The following ATAD2 variants were observed in gnomAD, a reference collection of about 807,000 sequenced individuals.
ATAD2 encodes ATPase family AAA domain containing 2, also known as ATPase family AAA domain-containing protein 2.
A neutral mutation model predicts 168.9 loss-of-function variants in ATAD2; 62 were observed. That is an observed-to-expected ratio of 0.37 (90% CI 0.30 to 0.45). ATAD2 has a LOEUF of 0.45. Ranked by LOEUF, ATAD2 falls within the 20% of genes least tolerant of loss-of-function variation. The pLI is 1.00. For synonymous variants in ATAD2, 613 were observed against 571.6 expected (o/e 1.07, Z -1.03); for missense variants, 1,419 against 1,667.8 (o/e 0.85, Z 2.60).
upstream of ATAD2, chr8:123,401,293 C>T (rs1812995614): frequency 3.3e-6 from 4 of 1,201,962 alleles, no homozygotes; most frequent in Middle Eastern, 2.3e-4. Flanking sequence ...CAAGGATTCC[C>T]ATGAGCAGCT....
At chr8:123,365,460 T>A (rs1828946861) in intron 8 of ATAD2, among the ~76,000 whole-genome samples, 1 of 152,016 alleles carries the variant, frequency 6.6e-6, no homozygotes. Context: ...CAAAAAAGCC[T>A]GCATAGCCAA....
chr8:123,326,076 G>A (rs1250214999), intron 25 of ATAD2, 50 bp from the exon 26 acceptor site: 4 of 1,562,146 alleles, frequency 2.6e-6, no homozygotes, highest in African/African-American at 1.4e-5. Context: ...ATATTATGAT[G>A]TCTAAAATAA....
At position 123,415,178 on chromosome 8, in the gene ATAD2, T is replaced by C. The variant is rs537359929; in HGVS notation, c.-2282+1070A>G. 7.2e-5 allele frequency among the ~76,000 whole-genome samples: 11 copies of C among 152,322 alleles called. No homozygotes were observed. The South Asian group carries it at 2.3e-3, about 32-fold the overall frequency. On this transcript the variant is annotated intron_variant, in intron 1 of 28. Transcript: ENST00000521903. ...ATATATGATGCTTAGTTTCGCTGGA[T>C]ACAAAATTATTGGCTGATAATTGTT...
At chr8:123,358,194 ATTT>A in intron 11 of ATAD2, among the ~76,000 whole-genome samples, 1 of 152,280 alleles carries the variant, frequency 6.6e-6, no homozygotes, top group Admixed American at 6.5e-5. Context: ...TTTCTGACTT[ATTT>A]TTAAAGATGG....
chr8:123,371,044 A>C, intron 5 of ATAD2, 54 bp from the exon 6 acceptor site: 1 of 1,350,718 alleles, frequency 7.4e-7, no homozygotes, highest in Non-Finnish European at 1.0e-6. Context: ...TATTAAAAAA[A>C]TTAAGTTGGA....
chr8:123,393,513 AATAAATAAATGC>A (rs1812690069), intron 1 of ATAD2, among the ~76,000 whole-genome samples: 1 of 151,638 alleles, frequency 6.6e-6, no homozygotes, highest in Non-Finnish European at 1.5e-5. Flanking sequence ...CTGTCTCAAA[AATAAATAAATGC>A]ATAAATAAAG....
upstream of ATAD2, among the ~76,000 whole-genome samples, chr8:123,396,708 GCGGTGCGTAGCC>G (rs1372518233): frequency 6.6e-6 from 1 of 152,214 alleles, no homozygotes; most frequent in African/African-American, 2.4e-5. Context: ...GACGGTGGGA[GCGGTGCGTAGCC>G]CGTTTGGAAT....
intron 1 of ATAD2, among the ~76,000 whole-genome samples, chr8:123,414,092 CAAAAAAAAAA>C (rs57662854): frequency 4.9e-5 from 2 of 40,590 alleles, no homozygotes; most frequent in African/African-American, 1.1e-4. Context: ...ACTCTTATCT[CAAAAAAAAAA>C]AAAAAAAAAA....
At chr8:123,406,985 T>A (rs1409871744) in intron 1 of ATAD2, among the ~76,000 whole-genome samples, 1 of 152,164 alleles carries the variant, frequency 6.6e-6, no homozygotes, top group African/African-American at 2.4e-5. Context: ...TTATTCTCGT[T>A]TATGGTGAAC....
upstream of ATAD2, among the ~76,000 whole-genome samples, chr8:123,397,785 A>G (rs1311211319): frequency 2.6e-5 from 4 of 152,192 alleles, no homozygotes; most frequent in Admixed American, 1.3e-4. Context: ...GGCAAGCATT[A>G]CAGAGAAATA....
chr8:123,333,877 C>T lies in ATAD2; in HGVS notation c.3478+1G>A. 2 of 1,609,422 alleles carry T rather than the reference C, an allele frequency of 1.2e-6. No individual in the cohort carries two copies. The highest frequency in any genetic ancestry group is 1.7e-6 in the Non-Finnish European group (2 of 1,177,516). On this transcript the variant is annotated splice_donor_variant, in intron 24 of 27. Transcript: ENST00000287394. LOFTEE classifies it high-confidence loss of function. ...TAAATGAAAACTACTTGAGTACTTA[C>T]CAGGAGTGCTGCAAGCCACAGGAGT...
rs547418666 is a variant in ATAD2, at chr8:123,348,332, C to T, written c.1807-59G>A. ...ATAATAATAAATGCTATTCAGATTA[C>T]ATTAATTTTGATTAAAATACTTTTG... On this transcript the variant is annotated intron_variant, in intron 14 of 27. Transcript: ENST00000287394. 19 of 1,228,014 alleles carry T rather than the reference C, an allele frequency of 1.5e-5. 1 individual carries two copies. The highest frequency in any genetic ancestry group is 1.1e-4 in the South Asian group (8 of 69,970). The allele number at this position is 1,228,014 out of a possible 1,614,324, so 76.1% of individuals were successfully genotyped here.
intron 1 of ATAD2, among the ~76,000 whole-genome samples, chr8:123,381,317 G>A (rs1355182783): frequency 6.6e-6 from 1 of 151,984 alleles, no homozygotes; most frequent in African/African-American, 2.4e-5. Context: ...TGGGCAACGT[G>A]GCAAAACCCC....
intron 26 of ATAD2, among the ~76,000 whole-genome samples, chr8:123,324,384 CAAAAT>C (rs1478349050): frequency 6.6e-6 from 1 of 151,982 alleles, no homozygotes; most frequent in Non-Finnish European, 1.5e-5. Context: ...GAAATGTGGC[CAAAAT>C]AAAACAGGTA....
intron 1 of ATAD2, among the ~76,000 whole-genome samples, chr8:123,388,356 G>A (rs529829331): frequency 1.3e-5 from 2 of 152,170 alleles, no homozygotes; most frequent in Admixed American, 6.5e-5. Flanking sequence ...GTGCCACCAC[G>A]CCTGGCTACT....
upstream of ATAD2, among the ~76,000 whole-genome samples, chr8:123,399,888 C>T (rs1812974474): frequency 6.7e-6 from 1 of 150,194 alleles, no homozygotes; most frequent in Non-Finnish European, 1.5e-5. Context: ...GGTCTGAGGC[C>T]AGGCATGTGT....
chr8:123,384,771 T>C (rs1307162505), intron 1 of ATAD2, among the ~76,000 whole-genome samples: 2 of 152,246 alleles, frequency 1.3e-5, no homozygotes, highest in African/African-American at 4.8e-5. Context: ...ATTGGAACGA[T>C]ACAAAGATTA....
At chr8:123,370,755 TC>T (rs1829126911) in intron 6 of ATAD2, 147 bp downstream of exon 6, 2 of 594,466 alleles carry the variant, frequency 3.4e-6, no homozygotes, top group Non-Finnish European at 5.7e-6. Context: ...TCTTAAGCTC[TC>T]CCCTTTCCCC....
intron 12 of ATAD2, 41 bp downstream of exon 12, chr8:123,357,521 A>G (rs765082609): frequency 1.3e-6 from 2 of 1,536,348 alleles, no homozygotes; most frequent in Non-Finnish European, 1.8e-6. Context: ...ATCTGCCTAG[A>G]TTACAGAACT....
Sources: gnomAD v4.1 joint callset for allele counts (sites outside exome capture counted in the v4.1 genomes callset) on GRCh38, gnomAD v4.1.1 for gene constraint, MANE v1.5 for transcripts, NCBI Gene and HGNC (gene_info 2026-07-23, HGNC 2026-07-21) for gene names.